The following FGF2 variants were observed in gnomAD, a reference collection of about 807,000 sequenced individuals.
FGF2 encodes the protein fibroblast growth factor 2, also known as basic fibroblast growth factor bFGF.
A neutral mutation model predicts 15.9 loss-of-function variants in FGF2; 13 were observed. The ratio of observed to expected loss-of-function variants is 0.82; its 90% CI spans 0.53 to 1.30. The LOEUF (loss-of-function observed/expected upper bound fraction) is 1.30, where lower values mean the gene tolerates loss of function less well. Among genes scored for constraint, FGF2 ranks in the 50% most tolerant of loss-of-function variants. The probability of loss-of-function intolerance (pLI) is 0.00; values close to 1 mark genes in which losing one functional copy is unlikely to be tolerated. For synonymous variants in FGF2, 90 were observed against 78.4 expected (o/e 1.15, Z -0.78); for missense variants, 163 against 196.9 (o/e 0.83, Z 1.03).
Position 122,892,194 on chromosome 4 carries a change from C to T in FGF2, c.283-17C>T. On this transcript the variant is annotated splice_polypyrimidine_tract_variant and intron_variant, in intron 2 of 2. Coordinates refer to ENST00000644866, the MANE Select transcript of FGF2 (RefSeq NM_001361665.2). ...ATAATGATAATAATAACAGGTAATT[C>T]TTCCTTTATTTTTCAGAAATGTGTT... 1 of 1,577,288 alleles carries T rather than the reference C, an allele frequency of 6.3e-7. No individual in the cohort carries two copies. The highest frequency in any genetic ancestry group is 2.2e-5 in the East Asian group (1 of 44,678).
chr4:122,843,153 G>T (rs1560739641), intron 1 of FGF2, among the ~76,000 whole-genome samples: 2 of 152,184 alleles, frequency 1.3e-5, no homozygotes, highest in Non-Finnish European at 2.9e-5. Context: ...GGGACAGTGA[G>T]ATCATAGCAA....
intron 1 of FGF2, among the ~76,000 whole-genome samples, chr4:122,850,863 C>T (rs308435): frequency 6.6e-6 from 1 of 151,944 alleles, no homozygotes. Context: ...ATGGAAGTGT[C>T]AGTACTGGAG....
At chr4:122,892,174 GATA>G (rs764239946) in intron 2 of FGF2, 34 bp from the exon 3 acceptor site, 22 of 1,468,816 alleles carry the variant, frequency 1.5e-5, no homozygotes, top group Middle Eastern at 3.5e-4. Context: ...TAATAATAAT[GATA>G]ATAATAACAG....
chr4:122,841,668 A>G (rs1218415421), intron 1 of FGF2, among the ~76,000 whole-genome samples: 13 of 152,218 alleles, frequency 8.5e-5, no homozygotes. Flanking sequence ...CCTATTTTCC[A>G]ATTACTAGTA....
At chr4:122,880,422 A>AT (rs1460444484) in intron 2 of FGF2, among the ~76,000 whole-genome samples, 4 of 151,624 alleles carry the variant, frequency 2.6e-5, no homozygotes, top group Admixed American at 6.6e-5. Context: ...AATTTTTTGC[A>AT]TTTTTTTAGT....
chr4:122,876,784 A>G (rs1005761620), intron 2 of FGF2, among the ~76,000 whole-genome samples: 1 of 152,192 alleles, frequency 6.6e-6, no homozygotes, highest in Non-Finnish European at 1.5e-5. Context: ...AATTTTGATT[A>G]TTAGTTTTTA....
intron 1 of FGF2, among the ~76,000 whole-genome samples, chr4:122,830,255 T>C (rs1279534996): frequency 2.0e-5 from 3 of 152,166 alleles, no homozygotes; most frequent in Admixed American, 2.0e-4. Context: ...GGAGGGATGC[T>C]TTGAAGACTG....
chr4:122,893,164 GA>G lies in FGF2; in HGVS notation c.*769del. 1 of 1,614,084 alleles carries G rather than the reference GA, an allele frequency of 6.2e-7. No individual in the cohort carries two copies. The highest frequency in any genetic ancestry group is 8.5e-7 in the Non-Finnish European group (1 of 1,180,014). On this transcript the variant is annotated 3_prime_UTR_variant, in exon 3 of 3. Transcript: ENST00000644866. ...TTGTGTGCTGTTGCCGAATACTCAG[GA>G]CGGACCTGAATTCTGATTTTATACC...
chr4:122,876,781 A>G (rs535620271), intron 2 of FGF2, among the ~76,000 whole-genome samples: 1 of 152,296 alleles, frequency 6.6e-6, no homozygotes, highest in South Asian at 2.1e-4. Flanking sequence ...TACAATTTTG[A>G]TTATTAGTTT....
intron 1 of FGF2, among the ~76,000 whole-genome samples, chr4:122,853,029 G>T (rs543112692): frequency 9.2e-5 from 14 of 152,292 alleles, no homozygotes; most frequent in African/African-American, 3.4e-4. Context: ...TGAGCACAGT[G>T]GCTCATTCAT....
chr4:122,841,887 T>G (rs1725991661), intron 1 of FGF2, among the ~76,000 whole-genome samples: 1 of 152,102 alleles, frequency 6.6e-6, no homozygotes. Context: ...TCTGTTTTAG[T>G]GAAATTTTAA....
intron 1 of FGF2, among the ~76,000 whole-genome samples, chr4:122,846,266 A>T (rs1470912305): frequency 6.6e-6 from 1 of 152,230 alleles, no homozygotes; most frequent in Admixed American, 6.5e-5. Context: ...AATACATGTA[A>T]TAATAATGAA....
At chr4:122,846,965 G>C (rs308419) in intron 1 of FGF2, among the ~76,000 whole-genome samples, 22,936 of 152,092 alleles carry the variant, frequency 0.15, 2,213 homozygotes, top group African/African-American at 0.26. Context: ...TCCTGGGAAG[G>C]GGGCATGGTC....
chr4:122,831,796 G>A (rs1725770681), intron 1 of FGF2, among the ~76,000 whole-genome samples: 1 of 152,166 alleles, frequency 6.6e-6, no homozygotes, highest in Non-Finnish European at 1.5e-5. Flanking sequence ...ATTAGACTTT[G>A]ACAATGGTGT....
intron 2 of FGF2, among the ~76,000 whole-genome samples, chr4:122,879,349 A>G (rs1313215676): frequency 6.6e-6 from 1 of 152,228 alleles, no homozygotes; most frequent in Non-Finnish European, 1.5e-5. Context: ...GATGTGACAA[A>G]TCACTATGCT....
intron 1 of FGF2, among the ~76,000 whole-genome samples, chr4:122,861,766 A>G (rs943114038): frequency 6.6e-6 from 1 of 151,978 alleles, no homozygotes; most frequent in Non-Finnish European, 1.5e-5. Context: ...ACACACACAT[A>G]CATACCCCTA....
At chr4:122,863,234 TC>T (rs1726508269) in intron 1 of FGF2, among the ~76,000 whole-genome samples, 1 of 152,232 alleles carries the variant, frequency 6.6e-6, no homozygotes, top group African/African-American at 2.4e-5. Flanking sequence ...TCTTTATTTT[TC>T]TTAATAGTTT....
At chr4:122,865,873 A>G (rs1178447413) in intron 1 of FGF2, among the ~76,000 whole-genome samples, 1 of 152,208 alleles carries the variant, frequency 6.6e-6, no homozygotes. Flanking sequence ...ACATACAAAA[A>G]TTAACTCAAA....
intron 1 of FGF2, among the ~76,000 whole-genome samples, chr4:122,828,725 G>A (rs966718201): frequency 2.6e-5 from 4 of 152,148 alleles, no homozygotes; most frequent in African/African-American, 9.7e-5. Context: ...TTTTTTTCAG[G>A]CTTGCCATAA....
Sources: allele counts gnomAD v4.1 joint callset (sites outside exome capture counted in the v4.1 genomes callset), GRCh38; gene constraint gnomAD v4.1.1; transcripts MANE v1.5; gene names NCBI Gene and HGNC (gene_info 2026-07-23, HGNC 2026-07-21).